TUBGCP5: variants seen among roughly 807,000 people sequenced by gnomAD.
TUBGCP5 encodes the protein gamma-tubulin complex component 5.
Under a neutral mutation model 134.7 loss-of-function variants are expected in TUBGCP5, and 98 were observed. The ratio of observed to expected loss-of-function variants is 0.73; its 90% CI spans 0.62 to 0.86. The LOEUF (loss-of-function observed/expected upper bound fraction) is 0.86. Ranked by LOEUF, TUBGCP5 falls within the 40% of genes least tolerant of loss-of-function variation. The pLI is 0.00. For synonymous variants in TUBGCP5, 456 were observed against 431.4 expected (o/e 1.06, Z -0.71); for missense variants, 1,150 against 1,244.8 (o/e 0.92, Z 1.15).
intron 1 of TUBGCP5, among the ~76,000 whole-genome samples, chr15:23,037,978 A>G (rs2140722321): frequency 6.6e-6 from 1 of 152,114 alleles, no homozygotes; most frequent in African/African-American, 2.4e-5. Flanking sequence ...GTTAGCCAGG[A>G]TAGTCTCGAT....
At chr15:22,995,315 T>A (rs915248704), downstream of TUBGCP5, among the ~76,000 whole-genome samples, 12 of 151,748 alleles carry the variant, frequency 7.9e-5, no homozygotes, top group African/African-American at 2.9e-4. Context: ...ATCACTCAGA[T>A]GCTGTTTTAC....
chr15:22,999,012 A>C (rs2064223257), downstream of TUBGCP5, among the ~76,000 whole-genome samples: 1 of 152,086 alleles, frequency 6.6e-6, no homozygotes, highest in Non-Finnish European at 1.5e-5. Context: ...CTCTCACCTC[A>C]GTCTTTCAAA....
At position 23,039,485 on chromosome 15, in the gene TUBGCP5, C is replaced by T. The variant is rs1295723803; in HGVS notation, c.59G>A (p.Arg20Gln). 2.0e-6 allele frequency: 3 copies of T among 1,525,548 alleles called. No individual in the cohort carries two copies. Among genetic ancestry groups the T allele is most frequent in the East Asian group, 2.7e-5 (1 of 37,582 alleles). The allele number at this position is 1,525,548 out of a possible 1,614,324, so 94.5% of individuals were successfully genotyped here. A position where few individuals can be genotyped will look rare whatever the true frequency, so the allele number is the denominator to read the frequency against. ...GCCGGCGACACCCCGGACGAGCTCCCGCACGTCGCGCTCCTGCTGCGCGTC... is the reference window on the plus strand; with the variant it reads ...GCCGGCGACACCCCGGACGAGCTCCTGCACGTCGCGCTCCTGCTGCGCGTC... Reference protein sequence around the residue: ...RLDAQQERDVRELVRGVAGLQ... With the variant: ...RLDAQQERDVQELVRGVAGLQ... The change falls in exon 1 of 23, where the codon CGG becomes CAG. Residue 20 changes from arginine (R) to glutamine (Q), a missense_variant. Physicochemically the swap from Arg to Gln is conservative, Grantham distance 43 (BLOSUM62 1). Around this residue, in one of 2 missense-constraint regions of TUBGCP5, gnomAD observed 453 missense variants for 394.7 expected, o/e 1.15. Transcript: ENST00000615383.
intron 6 of TUBGCP5, among the ~76,000 whole-genome samples, chr15:23,029,512 C>T (rs992170769): frequency 1.3e-5 from 2 of 152,160 alleles, no homozygotes; most frequent in Admixed American, 6.5e-5. Flanking sequence ...TAAGCCACTG[C>T]ACCTGGCCTT....
intron 3 of TUBGCP5, among the ~76,000 whole-genome samples, chr15:23,036,479 A>G (rs897492435): frequency 4.6e-5 from 7 of 151,252 alleles, no homozygotes; most frequent in Non-Finnish European, 1.0e-4. Context: ...TTTTTTTTTA[A>G]GTTCTGTGAA....
chr15:22,988,593 G>A (rs927775785), intron 23 of TUBGCP5, among the ~76,000 whole-genome samples: 41 of 151,502 alleles, frequency 2.7e-4, no homozygotes, highest in African/African-American at 7.5e-4. Flanking sequence ...AAAATTAGCC[G>A]GGCGTGGTGG....
intron 18 of TUBGCP5, 47 bp downstream of exon 18, chr15:23,006,005 C>T (rs1216743208): frequency 9.7e-6 from 15 of 1,545,240 alleles, no homozygotes; most frequent in Non-Finnish European, 9.6e-6. Context: ...TTATTAAGGG[C>T]TAAAATTAAA....
chr15:22,994,323 C>T (rs764449830), downstream of TUBGCP5, among the ~76,000 whole-genome samples: 3 of 152,032 alleles, frequency 2.0e-5, no homozygotes, highest in Non-Finnish European at 4.4e-5. Flanking sequence ...CTCGTGACCT[C>T]CAATAATCCG....
At chr15:22,988,458 T>G (rs558271564) in intron 23 of TUBGCP5, among the ~76,000 whole-genome samples, 36 of 151,810 alleles carry the variant, frequency 2.4e-4, no homozygotes, top group Middle Eastern at 3.4e-3. Flanking sequence ...TTTTGGCCGG[T>G]TGCGGTGGCT....
At chr15:23,016,060 AAACTCGGTGAGATACAAGAG>A (rs879328176) in intron 13 of TUBGCP5, among the ~76,000 whole-genome samples, 2 of 152,238 alleles carry the variant, frequency 1.3e-5, no homozygotes, top group Non-Finnish European at 2.9e-5. Context: ...AATCTTAAGG[AAACTCGGTGAGATACAAGAG>A]AACTCGGTGA....
chr15:22,995,529 C>T (rs373110175), downstream of TUBGCP5, among the ~76,000 whole-genome samples: 9 of 149,452 alleles, frequency 6.0e-5, no homozygotes, highest in African/African-American at 1.7e-4. Context: ...CAGGTGAGAT[C>T]GCACCACTGC....
intron 11 of TUBGCP5, among the ~76,000 whole-genome samples, chr15:23,020,232 C>A (rs1208700567): frequency 6.6e-6 from 1 of 151,952 alleles, no homozygotes; most frequent in Non-Finnish European, 1.5e-5. Flanking sequence ...CATGGTGAAA[C>A]CCCATCTCTA....
intron 23 of TUBGCP5, among the ~76,000 whole-genome samples, chr15:22,992,374 C>T (rs2063872951): frequency 6.6e-6 from 1 of 152,074 alleles, no homozygotes; most frequent in African/African-American, 2.4e-5. Flanking sequence ...ACAGGCAGCC[C>T]TATGGAAACT....
At chr15:23,037,578 A>G (rs117871460) in intron 1 of TUBGCP5, among the ~76,000 whole-genome samples, 82 of 152,326 alleles carry the variant, frequency 5.4e-4, no homozygotes, top group Non-Finnish European at 7.8e-4. Flanking sequence ...ACAGTTGTCA[A>G]ATATTTAAAG....
rs779634237 is a variant in TUBGCP5 at position 23,023,961 on chromosome 15, C to T, written c.1154G>A (p.Cys385Tyr). Residue 385 changes from cysteine to tyrosine, a missense_variant, in exon 10 of 23, where the codon TGC becomes TAC. Transcript: ENST00000615383. ...FKEELAEIEK[C>Y]IINNDTTITL... ...ACATTTAATACCATTATTGATGATG[C>T]ACTTCTCAATTTCTGCAAGTTCCTC... 8 of 1,613,798 alleles carry T rather than the reference C, an allele frequency of 5.0e-6. No homozygotes were observed. Among genetic ancestry groups the T allele is most frequent in the Non-Finnish European group, 6.8e-6 (8 of 1,179,860 alleles).
At chr15:23,008,987 A>G in intron 15 of TUBGCP5, 106 bp from the exon 16 acceptor site, 1 of 838,814 alleles carries the variant, frequency 1.2e-6, no homozygotes, top group Non-Finnish European at 1.8e-6. Flanking sequence ...ACAAGTTTAC[A>G]TTCTACATTT....
chr15:23,030,586 C>T (rs1393051385), intron 6 of TUBGCP5, among the ~76,000 whole-genome samples: 2 of 140,536 alleles, frequency 1.4e-5, no homozygotes, highest in African/African-American at 5.3e-5. Context: ...TTAGCAAAAT[C>T]AGTCCTTCTC....
chr15:23,032,099 G>GA, intron 4 of TUBGCP5, 70 bp from the exon 5 acceptor site: 1 of 1,096,250 alleles, frequency 9.1e-7, no homozygotes, highest in East Asian at 2.5e-5. Flanking sequence ...CAAAACTAAG[G>GA]AAAAAAGACT....
intron 5 of TUBGCP5, 22 bp from the exon 6 acceptor site, chr15:23,031,042 C>T (rs756798796): frequency 3.1e-6 from 5 of 1,601,958 alleles, no homozygotes; most frequent in Non-Finnish European, 4.3e-6. Context: ...AAGAGATACA[C>T]TTTAGCTTTA....
Sources: gnomAD v4.1 joint callset for allele counts (sites outside exome capture counted in the v4.1 genomes callset) on GRCh38, gnomAD v4.1.1 for gene constraint, gnomAD v4.1.1 regional missense constraint, MANE v1.5 for transcripts, NCBI Gene and HGNC (gene_info 2026-07-23, HGNC 2026-07-21) for gene names.